Variants in AGPAT3 observed in about 807,000 individuals in gnomAD.
The protein encoded by AGPAT3 is 1-acyl-sn-glycerol-3-phosphate acyltransferase gamma.
AGPAT3 carries 5 observed loss-of-function variants against 47.3 expected under a neutral mutation model. The ratio of observed to expected loss-of-function variants is 0.11; its 90% CI spans 0.06 to 0.22. The LOEUF (loss-of-function observed/expected upper bound fraction) is 0.22, where lower values mean the gene tolerates loss of function less well. Among genes scored for constraint, AGPAT3 ranks in the 10% least tolerant of loss-of-function variants. The pLI is 1.00. For synonymous variants in AGPAT3, 212 were observed against 208.3 expected (o/e 1.02, Z -0.15); for missense variants, 315 against 493.0 (o/e 0.64, Z 3.42).
chr21:43,930,799 G>A lies in AGPAT3; in HGVS notation c.-49+26780G>A, dbSNP rs558058413. 6.6e-6 allele frequency among the ~76,000 whole-genome samples: 1 copy of A among 152,274 alleles called. No homozygotes were observed. Among genetic ancestry groups the A allele is most frequent in the Non-Finnish European group, 1.5e-5 (1 of 67,992 alleles). On this transcript the variant is annotated intron_variant, in intron 2 of 9. Coordinates refer to ENST00000291572, the MANE Select transcript of AGPAT3 (RefSeq NM_020132.5). This position sits in a 1 kb window ranked among gnomAD's most constrained non-coding sequence, Gnocchi z 5.0. ...GGAGGTGGCTCCTCACGGTGGCCGGGGTGGCCCACGGCAGGCCAGTGTGCG... is the reference window on the plus strand; with the variant it reads ...GGAGGTGGCTCCTCACGGTGGCCGGAGTGGCCCACGGCAGGCCAGTGTGCG...
chr21:43,911,052 T>A (rs2086621738), intron 2 of AGPAT3, among the ~76,000 whole-genome samples: 1 of 152,238 alleles, frequency 6.6e-6, no homozygotes, highest in South Asian at 2.1e-4. Context: ...TTGTGGTTTA[T>A]CCTTCTAGAG....
At chr21:43,884,517 C>T (rs1004792102) in intron 1 of AGPAT3, among the ~76,000 whole-genome samples, 14 of 152,210 alleles carry the variant, frequency 9.2e-5, no homozygotes, top group South Asian at 2.1e-4. Context: ...TATTGCGGGA[C>T]ATGGGGCCCA....
chr21:43,885,842 C>G (rs1048538366), intron 1 of AGPAT3, among the ~76,000 whole-genome samples: 1 of 143,766 alleles, frequency 7.0e-6, no homozygotes, highest in African/African-American at 2.5e-5. Flanking sequence ...TGCGCAGGTG[C>G]GCAGGGCTCC....
intron 2 of AGPAT3, among the ~76,000 whole-genome samples, chr21:43,958,750 A>AGT (rs150442055): frequency 0.54 from 65,973 of 122,930 alleles, 16,801 homozygotes; most frequent in African/African-American, 0.67. Context: ...TGTGGTTTGC[A>AGT]GTGTGTAGTG....
intron 2 of AGPAT3, among the ~76,000 whole-genome samples, chr21:43,907,740 C>T (rs1021041005): frequency 2.0e-5 from 3 of 152,096 alleles, no homozygotes; most frequent in Non-Finnish European, 4.4e-5. Context: ...ACAAAAAAAC[C>T]GTTCCATATA....
intron 2 of AGPAT3, among the ~76,000 whole-genome samples, chr21:43,926,743 T>G (rs1035559420): frequency 6.8e-6 from 1 of 147,246 alleles, no homozygotes; most frequent in Non-Finnish European, 1.5e-5. Flanking sequence ...GTGGATCACT[T>G]GAGGTCAGGA....
At position 43,887,580 on chromosome 21, in the gene AGPAT3, G is replaced by A. The variant is rs182208715; in HGVS notation, c.-111-16377G>A. Among the ~76,000 whole-genome samples the A allele has an allele frequency of 1.6e-4, 25 of 152,326 alleles. No homozygotes were observed. The East Asian group carries it at 4.4e-3, about 27-fold the overall frequency. ...AGGTGGTTGAGGAATAAAAGCGTGC[G>A]CACACGCACACACACACACACAACT... On this transcript the variant is annotated intron_variant, in intron 1 of 9. Coordinates refer to ENST00000291572, the MANE Select transcript of AGPAT3 (RefSeq NM_020132.5).
intron 2 of AGPAT3, among the ~76,000 whole-genome samples, chr21:43,926,210 C>T (rs531601533): frequency 5.9e-5 from 9 of 152,328 alleles, no homozygotes; most frequent in South Asian, 4.1e-4. Flanking sequence ...GAGACACAGA[C>T]GCCTGCTTGG....
chr21:43,877,956 G>A (rs913390034), intron 1 of AGPAT3, among the ~76,000 whole-genome samples: 4 of 147,456 alleles, frequency 2.7e-5, no homozygotes, highest in African/African-American at 5.1e-5. Flanking sequence ...CCCCTTGCCC[G>A]CCTCCTGCCC....
In AGPAT3 at chr21:43,985,511, C is replaced by A. The variant is rs989323076; in HGVS notation, c.*3119C>A. ...GAATCTTTCCTCACGCTGTTCGTTGCGGTATTGCTGAGCATTGATGTTGAT... is the reference window on the plus strand; with the variant it reads ...GAATCTTTCCTCACGCTGTTCGTTGAGGTATTGCTGAGCATTGATGTTGAT... On this transcript the variant is annotated 3_prime_UTR_variant, in exon 10 of 10. Transcript: ENST00000291572. 6.5e-6 allele frequency: 2 copies of A among 306,944 alleles called. No individual in the cohort carries two copies. Among genetic ancestry groups the A allele is most frequent in the Admixed American group, 4.9e-5 (1 of 20,516 alleles). The allele number at this position is 306,944 out of a possible 1,614,324, so 19.0% of individuals were successfully genotyped here.
intron 1 of AGPAT3, among the ~76,000 whole-genome samples, chr21:43,900,043 T>C (rs1474026863): frequency 3.3e-5 from 5 of 152,112 alleles, no homozygotes. Context: ...ACATAGAAAA[T>C]GTACTTTGAG....
chr21:43,880,736 A>G lies in AGPAT3; in HGVS notation c.-112+15391A>G, dbSNP rs2085837954. Among the ~76,000 whole-genome samples the G allele has an allele frequency of 6.6e-6, 1 of 152,212 alleles. No individual in the cohort carries two copies. The highest frequency in any genetic ancestry group is 2.4e-5 in the African/African-American group (1 of 41,452). On this transcript the variant is annotated intron_variant, in intron 1 of 9. Coordinates refer to ENST00000291572, the MANE Select transcript of AGPAT3 (RefSeq NM_020132.5). This position sits in a 1 kb window ranked among gnomAD's most constrained non-coding sequence, Gnocchi z 4.5. ...TCACATATATCTCCCCAAAGTGGAA[A>G]CAAGGACACGTCTAGAGACAGGCGC...
At chr21:43,871,246 T>C (rs897467327) in intron 1 of AGPAT3, among the ~76,000 whole-genome samples, 3 of 152,178 alleles carry the variant, frequency 2.0e-5, no homozygotes, top group Non-Finnish European at 4.4e-5. Flanking sequence ...TATGTGCAGA[T>C]GAAACCAAAA....
At chr21:43,907,445 CGGTG>C (rs1555900778) in intron 2 of AGPAT3, among the ~76,000 whole-genome samples, 2 of 152,162 alleles carry the variant, frequency 1.3e-5, no homozygotes, top group Non-Finnish European at 2.9e-5. Context: ...ATACCAGGTA[CGGTG>C]GCTCACACCT....
intron 2 of AGPAT3, among the ~76,000 whole-genome samples, chr21:43,950,246 G>A (rs1410117707): frequency 6.6e-6 from 1 of 152,230 alleles, no homozygotes; most frequent in African/African-American, 2.4e-5. Flanking sequence ...AGTTCCTGTT[G>A]TAGTAGATTT....
At chr21:43,897,521 G>A (rs528920619) in intron 1 of AGPAT3, among the ~76,000 whole-genome samples, 22 of 151,942 alleles carry the variant, frequency 1.4e-4, no homozygotes, top group Admixed American at 3.3e-4. Flanking sequence ...CAGGGCGGCC[G>A]GGCAGAGGCG....
At chr21:43,874,965 A>AT (rs1217060657) in intron 1 of AGPAT3, among the ~76,000 whole-genome samples, 1 of 152,048 alleles carries the variant, frequency 6.6e-6, no homozygotes, top group Non-Finnish European at 1.5e-5. Context: ...ACCTGTGCAC[A>AT]TTCTCCCATA....
chr21:43,885,058 C>T (rs569653277), intron 1 of AGPAT3, among the ~76,000 whole-genome samples: 11 of 152,360 alleles, frequency 7.2e-5, no homozygotes, highest in East Asian at 1.9e-4. Flanking sequence ...AATGCAGTGA[C>T]GTGCGGTGCT....
At chr21:43,893,753 G>A (rs958709700) in intron 1 of AGPAT3, among the ~76,000 whole-genome samples, 3 of 152,172 alleles carry the variant, frequency 2.0e-5, no homozygotes, top group African/African-American at 4.8e-5. Flanking sequence ...AGAGCCGCTC[G>A]GCCGAGCAGT....
Sources: gnomAD v4.1 joint callset for allele counts (sites outside exome capture counted in the v4.1 genomes callset) on GRCh38, gnomAD v4.1.1 for gene constraint, Gnocchi (gnomAD v3.1) non-coding constraint, MANE v1.5 for transcripts, NCBI Gene and HGNC (gene_info 2026-07-23, HGNC 2026-07-21) for gene names.